The following GCSH variants were observed in gnomAD, a reference collection of about 807,000 sequenced individuals.
GCSH encodes the protein glycine cleavage system protein H, also known as glycine cleavage system H protein, mitochondrial.
Under a neutral mutation model 21.3 loss-of-function variants are expected in GCSH, and 15 were observed. That is an observed-to-expected ratio of 0.70 (90% CI 0.47 to 1.08). The LOEUF is 1.08. Ranked by LOEUF, GCSH falls within the 50% of genes least tolerant of loss-of-function variation. The pLI is 0.00. For missense variants in GCSH, 179 were observed against 217.5 expected, an observed-to-expected ratio of 0.82 and a Z score of 1.11; for synonymous variants, 59 against 84.5, an observed-to-expected ratio of 0.70 and a Z score of 1.66.
rs548635003 is a variant in GCSH, at chr16:81,085,003, C to G, written c.293-409G>C. On this transcript the variant is annotated intron_variant, in intron 3 of 4. Transcript: ENST00000315467. ...GTGCTGGGATTATAGGCATAAGCCACTGCACCTGGCTCTTTTTTTTTTTTT... is the reference window on the plus strand; with the variant it reads ...GTGCTGGGATTATAGGCATAAGCCAGTGCACCTGGCTCTTTTTTTTTTTTT... Among the ~76,000 whole-genome samples the G allele has an allele frequency of 4.4e-5, 6 of 135,240 alleles. No homozygotes were observed. In the East Asian group the frequency reaches 1.2e-3, roughly 26 times the overall value. 88.7% of individuals were successfully genotyped at this position (135,240 alleles called of 152,430 possible).
At chr16:81,088,397 CTTTGT>C (rs1484041122) in intron 2 of GCSH, among the ~76,000 whole-genome samples, 2 of 152,160 alleles carry the variant, frequency 1.3e-5, no homozygotes, top group African/African-American at 2.4e-5. Context: ...ACTGCTAGCT[CTTTGT>C]TTTATTTGGT....
chr16:81,091,286 T>C (rs544355410), intron 1 of GCSH: 1 of 353,108 alleles, frequency 2.8e-6, no homozygotes, highest in Non-Finnish European at 5.4e-6. Context: ...AAGCCTAACC[T>C]TGAAGATAGC....
rs536002501 is a variant in GCSH, at chr16:81,096,384, C to A, written c.-106G>T. The A allele has an allele frequency of 5.3e-5, 51 of 966,376 alleles. No homozygotes were observed. The highest frequency in any genetic ancestry group is 6.4e-5 in the Non-Finnish European group (46 of 723,740). 59.9% of individuals were successfully genotyped at this position (966,376 alleles called of 1,614,324 possible). The stretch of plus-strand genomic sequence containing the variant: ...CCGGAGGGAGCCGGCTGGATGGAGG[C>A]GCGGAGGCGGTGCCGCGGGGGCGGG... On this transcript the variant is annotated 5_prime_UTR_variant, in exon 1 of 5. Transcript: ENST00000315467.
chr16:81,093,326 C>T (rs1294319219), intron 1 of GCSH, among the ~76,000 whole-genome samples: 1 of 152,046 alleles, frequency 6.6e-6, no homozygotes, highest in African/African-American at 2.4e-5. Flanking sequence ...CTATAAACAC[C>T]ACCTGAGACT....
chr16:81,088,292 C>A (rs1396777149), intron 2 of GCSH, among the ~76,000 whole-genome samples: 1 of 151,290 alleles, frequency 6.6e-6, no homozygotes, highest in Non-Finnish European at 1.5e-5. Context: ...TTTTAAAAAA[C>A]TATTCTCAAC....
intron 1 of GCSH, among the ~76,000 whole-genome samples, chr16:81,094,624 G>A (rs954434181): frequency 5.3e-5 from 8 of 152,118 alleles, no homozygotes; most frequent in Admixed American, 6.6e-5. Flanking sequence ...GAAACAGAGC[G>A]GACAGACTAT....
chr16:81,087,568 C>T (rs751229978), intron 3 of GCSH, 33 bp downstream of exon 3: 2 of 1,417,234 alleles, frequency 1.4e-6, no homozygotes, highest in East Asian at 2.3e-5. Context: ...AAATTCATGG[C>T]ATGGATCATT....
At chr16:81,093,405 C>A (rs1972438599) in intron 1 of GCSH, among the ~76,000 whole-genome samples, 2 of 152,150 alleles carry the variant, frequency 1.3e-5, no homozygotes, top group African/African-American at 4.8e-5. Context: ...CTGTGACCCT[C>A]ATTTTAGCAA....
At chr16:81,085,435 TG>T (rs1972253450) in intron 3 of GCSH, among the ~76,000 whole-genome samples, 1 of 152,134 alleles carries the variant, frequency 6.6e-6, no homozygotes, top group African/African-American at 2.4e-5. Context: ...AAATAACAAA[TG>T]GTGATGTGCC....
chr16:81,095,512 A>C (rs886214639), intron 1 of GCSH, among the ~76,000 whole-genome samples: 2 of 151,378 alleles, frequency 1.3e-5, no homozygotes, highest in Non-Finnish European at 2.9e-5. Context: ...CCTCCCGAGT[A>C]GCTGGGATTA....
chr16:81,096,166 A>C lies in GCSH; in HGVS notation c.113T>G (p.Val38Gly), dbSNP rs888630308. Residue 38 changes from valine to glycine, a missense_variant, in exon 1 of 5, where the codon GTC becomes GGC. By Grantham distance (109) the Val-to-Gly change is moderately radical. Coordinates refer to ENST00000315467, the MANE Select transcript of GCSH (RefSeq NM_004483.5). Reference protein sequence around the residue: ...PRPWQLGVGAVRTLRTGPALL... With the variant: ...PRPWQLGVGAGRTLRTGPALL... ...AGCGGGTCCAGTGCGCAGCGTACGG[A>C]CGGCGCCCACCCCCAGCTGCCAGGG... The C allele has an allele frequency of 2.4e-5, 31 of 1,316,492 alleles. No individual in the cohort carries two copies. In the South Asian group the frequency reaches 5.5e-4, roughly 23 times the overall value. The allele number at this position is 1,316,492 out of a possible 1,614,324, so 81.6% of individuals were successfully genotyped here. A position where few individuals can be genotyped will look rare whatever the true frequency, so the allele number is the denominator to read the frequency against.
rs569208092 is a variant in GCSH at position 81,082,611 on chromosome 16, A to T, written c.*255T>A. ...TTTTTATAACTAGTTTTTACCATGG[A>T]TAATTTCATGAATTCTGAACACTAG... On this transcript the variant is annotated 3_prime_UTR_variant, in exon 5 of 5. Transcript: ENST00000315467. The T allele has an allele frequency of 2.9e-4, 110 of 378,838 alleles. No homozygotes were observed. Among genetic ancestry groups the T allele is most frequent in the African/African-American group, 2.5e-3 (97 of 38,842 alleles). 23.5% of individuals were successfully genotyped at this position (378,838 alleles called of 1,614,324 possible).
chr16:81,093,331 G>A (rs1181717002), intron 1 of GCSH, among the ~76,000 whole-genome samples: 1 of 152,100 alleles, frequency 6.6e-6, no homozygotes, highest in Non-Finnish European at 1.5e-5. Flanking sequence ...AACACCACCT[G>A]AGACTACCTT....
intron 1 of GCSH, among the ~76,000 whole-genome samples, chr16:81,092,190 T>C (rs1314193223): frequency 6.6e-6 from 1 of 152,036 alleles, no homozygotes; most frequent in East Asian, 1.9e-4. Flanking sequence ...CCCAAAGGCT[T>C]GTCTAACCAA....
At chr16:81,092,220 C>A (rs527882644) in intron 1 of GCSH, among the ~76,000 whole-genome samples, 1 of 152,172 alleles carries the variant, frequency 6.6e-6, no homozygotes, top group Admixed American at 6.6e-5. Flanking sequence ...CTTAGGCCAG[C>A]CAACATGCTC....
chr16:81,090,678 G>A lies in GCSH; in HGVS notation c.151C>T (p.Arg51Cys), dbSNP rs1972380968. Residue 51 changes from arginine (R) to cysteine (C), a missense_variant and splice_region_variant, in exon 2 of 5, where the codon CGT (arginine) becomes TGT (cysteine). By Grantham distance (180) the Arg-to-Cys change is radical (BLOSUM62 -3). Transcript: ENST00000315467. ...CATTCGTGTTTCTCTGTGAATTTACGCACTAAAACAGAAGACCAACATTTC... is the reference window on the plus strand; with the variant it reads ...CATTCGTGTTTCTCTGTGAATTTACACACTAAAACAGAAGACCAACATTTC... ...LRTGPALLSVRKFTEKHEWVT... is the reference protein window; with the variant it reads ...LRTGPALLSVCKFTEKHEWVT... The A allele has an allele frequency of 3.1e-6, 5 of 1,607,740 alleles. No homozygotes were observed. The highest frequency in any genetic ancestry group is 4.3e-6 in the Non-Finnish European group (5 of 1,174,204).
rs1050364 is a variant in GCSH at position 81,082,513 on chromosome 16, C to T, written c.*353G>A. On this transcript the variant is annotated 3_prime_UTR_variant, in exon 5 of 5. Coordinates refer to ENST00000315467, the MANE Select transcript of GCSH (RefSeq NM_004483.5). The stretch of plus-strand genomic sequence containing the variant: ...ATCATTAAGTATTTCATCCCAAATC[C>T]AGGTATGGATACATGCAAGTTACAA... The T allele has an allele frequency of 0.097, 35,256 of 364,178 alleles. 1,979 individuals carry two copies. Among genetic ancestry groups the T allele is most frequent in the East Asian group, 0.2 (2,726 of 13,390 alleles). The allele number at this position is 364,178 out of a possible 1,614,324, so 22.6% of individuals were successfully genotyped here.
At chr16:81,088,251 C>T (rs1301098546) in intron 2 of GCSH, among the ~76,000 whole-genome samples, 1 of 152,152 alleles carries the variant, frequency 6.6e-6, no homozygotes, top group African/African-American at 2.4e-5. Context: ...TAGCAAGACC[C>T]TGTTCTCCAA....
chr16:81,094,349 T>G (rs1405277858), intron 1 of GCSH, among the ~76,000 whole-genome samples: 1 of 151,588 alleles, frequency 6.6e-6, no homozygotes, highest in Non-Finnish European at 1.5e-5. Flanking sequence ...TCAATTTTTC[T>G]TCTCTTTTTT....
Sources: gnomAD v4.1 joint callset for allele counts (sites outside exome capture counted in the v4.1 genomes callset) on GRCh38, gnomAD v4.1.1 for gene constraint, MANE v1.5 for transcripts, NCBI Gene and HGNC (gene_info 2026-07-23, HGNC 2026-07-21) for gene names.